The following CTNNA2 variants were observed in gnomAD, a reference collection of about 807,000 sequenced individuals.
CTNNA2 encodes the protein catenin alpha-2.
Under a neutral mutation model 101.0 loss-of-function variants are expected in CTNNA2, and 42 were observed. The ratio of observed to expected loss-of-function variants is 0.42; its 90% CI spans 0.32 to 0.54. The LOEUF (loss-of-function observed/expected upper bound fraction) is 0.54, where lower values mean the gene tolerates loss of function less well. Ranked by LOEUF, CTNNA2 falls within the 20% of genes least tolerant of loss-of-function variation. CTNNA2 has a pLI of 0.14. For missense variants in CTNNA2, 871 were observed against 1,223.1 expected (o/e 0.71, Z 4.29); for synonymous variants, 450 against 456.4 (o/e 0.99, Z 0.18).
chr2:79,350,512 C>T (rs1558640475), intron 3 of CTNNA2, among the ~76,000 whole-genome samples: 2 of 152,140 alleles, frequency 1.3e-5, no homozygotes, highest in African/African-American at 4.8e-5. Context: ...ATATATGCCA[C>T]ATTTTTTTTA....
At chr2:80,073,455 A>G (rs1698476086) in intron 7 of CTNNA2, among the ~76,000 whole-genome samples, 1 of 152,190 alleles carries the variant, frequency 6.6e-6, no homozygotes, top group African/African-American at 2.4e-5. Context: ...GGGTAGCAGC[A>G]GCTTGAGATC....
intron 7 of CTNNA2, among the ~76,000 whole-genome samples, chr2:80,133,419 A>C (rs1339206760): frequency 6.6e-6 from 1 of 152,200 alleles, no homozygotes; most frequent in East Asian, 1.9e-4. Flanking sequence ...ACAAACAAAC[A>C]AAAAACAAGT....
At chr2:79,379,539 G>A (rs964635479) in intron 4 of CTNNA2, among the ~76,000 whole-genome samples, 1 of 152,056 alleles carries the variant, frequency 6.6e-6, no homozygotes, top group Non-Finnish European at 1.5e-5. Flanking sequence ...AAAATCTTCA[G>A]TAGCTAACTA....
Position 79,899,221 on chromosome 2 carries a change from T to C in CTNNA2, c.853-10373T>C, listed in dbSNP as rs969406705. On this transcript the variant is annotated intron_variant, in intron 6 of 18. Transcript: ENST00000402739. The stretch of plus-strand genomic sequence containing the variant: ...AAAATCCATTTCCTTTGTTAAGCCC[T>C]CTAAAAATCTGATTTGATTAAGTGC... 2.6e-5 allele frequency among the ~76,000 whole-genome samples: 4 copies of C among 152,314 alleles called. No individual in the cohort carries two copies. In the East Asian group the frequency reaches 7.7e-4, roughly 29 times the overall value.
chr2:80,529,975 G>A (rs952850955), intron 9 of CTNNA2, among the ~76,000 whole-genome samples: 3 of 152,012 alleles, frequency 2.0e-5, no homozygotes, highest in African/African-American at 7.2e-5. Context: ...TTTGGCTCGG[G>A]GTTTGTGTAC....
At chr2:80,092,953 T>G (rs1019265991) in intron 7 of CTNNA2, among the ~76,000 whole-genome samples, 1 of 152,124 alleles carries the variant, frequency 6.6e-6, no homozygotes, top group African/African-American at 2.4e-5. Context: ...AAGATAAGGA[T>G]AGAGGCATTT....
chr2:79,427,138 G>T (rs181346870), intron 4 of CTNNA2, among the ~76,000 whole-genome samples: 100 of 152,028 alleles, frequency 6.6e-4, no homozygotes, highest in African/African-American at 2.3e-3. Context: ...AATAACACCT[G>T]CTATAAGCAA....
chr2:79,630,421 A>G (rs1443843783), intron 1 of CTNNA2, among the ~76,000 whole-genome samples: 3 of 152,236 alleles, frequency 2.0e-5, no homozygotes, highest in African/African-American at 7.2e-5. Flanking sequence ...TTAATAGTCT[A>G]TGATGTAGCT....
At position 80,481,109 on chromosome 2, in the gene CTNNA2, T is replaced by C. The variant is rs192359143; in HGVS notation, c.1290+61508T>C. ...ATTCCTTTTCATTACTAATATACCT[T>C]GGTTGAGGTAAAATGCCAAATTATA... On this transcript the variant is annotated intron_variant, in intron 9 of 18. Transcript: ENST00000402739. 2.7e-3 allele frequency among the ~76,000 whole-genome samples: 413 copies of C among 152,224 alleles called. 2 individuals are homozygous for C. The highest frequency in any genetic ancestry group is 9.7e-3 in the African/African-American group (402 of 41,562).
At chr2:79,590,027 T>C (rs1676745780) in intron 1 of CTNNA2, among the ~76,000 whole-genome samples, 1 of 152,242 alleles carries the variant, frequency 6.6e-6, no homozygotes, top group South Asian at 2.1e-4. Flanking sequence ...AGATTAACGT[T>C]TCACATGGTT....
At chr2:79,962,935 G>C (rs1160249086) in intron 7 of CTNNA2, among the ~76,000 whole-genome samples, 1 of 151,446 alleles carries the variant, frequency 6.6e-6, no homozygotes, top group African/African-American at 2.4e-5. Flanking sequence ...ACCGGGCGTA[G>C]TGGCGGGCGC....
At chr2:79,448,226 T>G (rs796775733) in intron 4 of CTNNA2, among the ~76,000 whole-genome samples, 12 of 152,180 alleles carry the variant, frequency 7.9e-5, no homozygotes, top group African/African-American at 2.6e-4. Context: ...TTTTGCAAAT[T>G]TGTGAAGGAA....
chr2:80,216,288 G>A, intron 7 of CTNNA2, among the ~76,000 whole-genome samples: 1 of 152,278 alleles, frequency 6.6e-6, no homozygotes, highest in Non-Finnish European at 1.5e-5. Context: ...CCAGTGAGAT[G>A]AACCTGGTAC....
At chr2:79,304,295 C>T (rs1210710245) in intron 2 of CTNNA2, among the ~76,000 whole-genome samples, 1 of 152,170 alleles carries the variant, frequency 6.6e-6, no homozygotes, top group Non-Finnish European at 1.5e-5. Flanking sequence ...GAATTCACTA[C>T]ATTTATTTAT....
intron 7 of CTNNA2, among the ~76,000 whole-genome samples, chr2:79,962,043 G>C (rs1056889503): frequency 6.6e-6 from 1 of 152,164 alleles, no homozygotes; most frequent in Non-Finnish European, 1.5e-5. Context: ...CTAGCTCTTC[G>C]TCTGTTACTG....
chr2:79,749,783 C>G (rs1380966567), intron 3 of CTNNA2, among the ~76,000 whole-genome samples: 1 of 152,032 alleles, frequency 6.6e-6, no homozygotes, highest in African/African-American at 2.4e-5. Context: ...TTGTGTCTAC[C>G]TAAATGAATT....
intron 9 of CTNNA2, among the ~76,000 whole-genome samples, chr2:80,474,423 C>A (rs187936133): frequency 2.1e-3 from 326 of 152,144 alleles, no homozygotes; most frequent in African/African-American, 7.5e-3. Context: ...TGAGGATCCA[C>A]CCCCACCATA....
chr2:80,427,049 A>G (rs961145103), intron 9 of CTNNA2, among the ~76,000 whole-genome samples: 1 of 152,108 alleles, frequency 6.6e-6, no homozygotes, highest in Non-Finnish European at 1.5e-5. Flanking sequence ...GAAAGAGATC[A>G]GGTCTAATTG....
At chr2:80,573,547 C>A (rs1186519388) in intron 12 of CTNNA2, among the ~76,000 whole-genome samples, 1 of 152,074 alleles carries the variant, frequency 6.6e-6, no homozygotes, top group Non-Finnish European at 1.5e-5. Context: ...CCTCCCCTCC[C>A]CCATGTCTCA....
Sources: allele counts gnomAD v4.1 joint callset (sites outside exome capture counted in the v4.1 genomes callset), GRCh38; gene constraint gnomAD v4.1.1; transcripts MANE v1.5; gene names NCBI Gene and HGNC (gene_info 2026-07-23, HGNC 2026-07-21).